The following FNDC10 variants were observed in gnomAD, a reference collection of about 807,000 sequenced individuals.
FNDC10 encodes the protein fibronectin type III domain-containing protein 10.
FNDC10 carries 8 observed loss-of-function variants against 11.6 expected under a neutral mutation model. The observed-to-expected ratio is 0.69, with a 90% confidence interval of 0.41 to 1.25. The LOEUF is 1.25. FNDC10 is among the 50% of genes most tolerant of loss of function. The probability of loss-of-function intolerance (pLI) is 0.01; values close to 1 mark genes in which losing one functional copy is unlikely to be tolerated. For missense variants in FNDC10, 308 were observed against 330.2 expected, an observed-to-expected ratio of 0.93 and a Z score of 0.52; for synonymous variants, 187 against 162.9, an observed-to-expected ratio of 1.15 and a Z score of -1.12.
Position 1,599,271 on chromosome 1 carries a change from G to T in FNDC10, c.*64C>A. ...AGGAATGAGGAGAGGAGAGCGGGCG[G>T]AGGACCTGGGAGCTCAGGCGCCCTC... On this transcript the variant is annotated 3_prime_UTR_variant, in exon 1 of 1. Transcript: ENST00000422725. The surrounding 1 kb of genome is among the most constrained non-coding windows in gnomAD (Gnocchi z 6.7). 2 of 1,382,888 alleles carry T rather than the reference G, an allele frequency of 1.4e-6. No individual in the cohort carries two copies. The allele number at this position is 1,382,888 out of a possible 1,614,324, so 85.7% of individuals were successfully genotyped here. A position where few individuals can be genotyped will look rare whatever the true frequency, so the allele number is the denominator to read the frequency against.
chr1:1,599,460 C>T lies in FNDC10; in HGVS notation c.556G>A (p.Ala186Thr), dbSNP rs1473381020. The change falls in exon 1 of 1, where the codon GCC (alanine) becomes ACC (threonine). Residue 186 changes from alanine (A) to threonine (T), a missense_variant. By Grantham distance (58) the Ala-to-Thr change is moderately conservative. Transcript: ENST00000422725. This position sits in a 1 kb window ranked among gnomAD's most constrained non-coding sequence, Gnocchi z 6.7. ...EPAGMQDIVV[A>T]MTAVGGSICV... is the part of the protein sequence containing the mutation. ...ATGGAGCCGCCCACCGCCGTCATGGCCACCACGATGTCCTGCATGCCGGCC... is the reference window on the plus strand; with the variant it reads ...ATGGAGCCGCCCACCGCCGTCATGGTCACCACGATGTCCTGCATGCCGGCC... 2 of 1,534,256 alleles carry T rather than the reference C, an allele frequency of 1.3e-6. No individual in the cohort carries two copies. Among genetic ancestry groups the T allele is most frequent in the South Asian group, 1.2e-5 (1 of 84,024 alleles).
chr1:1,599,640 G>A lies in FNDC10; in HGVS notation c.376C>T (p.Leu126Phe), dbSNP rs1259103310. ...AGGTAGTCGCGGCAGGAGGCCCCGA[G>A]GAGCACGCGCTCGCACGGGAAGCGC... is the stretch of plus-strand genomic sequence containing the variant. ...YTRFPCERVL[L>F]GASCRDYLLP... The change falls in exon 1 of 1, where the codon CTC becomes TTC. Residue 126 changes from leucine to phenylalanine, a missense_variant. By Grantham distance (22) the Leu-to-Phe change is conservative. Coordinates refer to ENST00000422725, the MANE Select transcript of FNDC10 (RefSeq NM_001242659.2). This position sits in a 1 kb window ranked among gnomAD's most constrained non-coding sequence, Gnocchi z 6.7. The A allele has an allele frequency of 1.3e-6, 2 of 1,485,180 alleles. No individual in the cohort carries two copies. Among genetic ancestry groups the A allele is most frequent in the African/African-American group, 1.5e-5 (1 of 68,312 alleles). The allele number at this position is 1,485,180 out of a possible 1,614,324, so 92.0% of individuals were successfully genotyped here.
Position 1,600,009 on chromosome 1 carries a change from C to T in FNDC10, c.7G>A (p.Ala3Thr). Residue 3 changes from alanine to threonine, a missense_variant, in exon 1 of 1, where the codon GCC (alanine) becomes ACC (threonine). By Grantham distance (58) the Ala-to-Thr change is moderately conservative. Coordinates refer to ENST00000422725, the MANE Select transcript of FNDC10 (RefSeq NM_001242659.2). ...GCCAGCAGCAGCAGCAGCGGCGGGG[C>T]GCGCATCCTGCGGCGGGGCCACGGG... is the stretch of plus-strand genomic sequence containing the variant. The part of the protein sequence containing the change: MR[A>T]PPLLLLLAAC... The T allele has an allele frequency of 1.0e-6, 1 of 980,304 alleles. No individual in the cohort carries two copies. Among genetic ancestry groups the T allele is most frequent in the Non-Finnish European group, 1.2e-6 (1 of 827,914 alleles). The allele number at this position is 980,304 out of a possible 1,614,324, so 60.7% of individuals were successfully genotyped here. A position where few individuals can be genotyped will look rare whatever the true frequency, so the allele number is the denominator to read the frequency against.
Position 1,599,600 on chromosome 1 carries a change from T to A in FNDC10, c.416A>T (p.His139Leu), listed in dbSNP as rs1279243380. 1 of 1,503,914 alleles carries A rather than the reference T, an allele frequency of 6.6e-7. No homozygotes were observed. The highest frequency in any genetic ancestry group is 1.2e-5 in the South Asian group (1 of 81,076). The allele number at this position is 1,503,914 out of a possible 1,614,324, so 93.2% of individuals were successfully genotyped here. ...GCACAGGCGGTAGAGGACGCTGTCG[T>A]GCACGTCGGGCAGCAGGTAGTCGCG... Reference protein sequence around the residue: ...SCRDYLLPDVHDSVLYRLCLQ... With the variant: ...SCRDYLLPDVLDSVLYRLCLQ... The change falls in exon 1 of 1, where the codon CAC becomes CTC. Residue 139 changes from histidine to leucine, a missense_variant. Coordinates refer to ENST00000422725, the MANE Select transcript of FNDC10 (RefSeq NM_001242659.2). The surrounding 1 kb of genome is among the most constrained non-coding windows in gnomAD (Gnocchi z 6.7).
At position 1,599,082 on chromosome 1, in the gene FNDC10, G is replaced by T. The variant is rs1008068191; in HGVS notation, c.*253C>A. On this transcript the variant is annotated 3_prime_UTR_variant, in exon 1 of 1. Coordinates refer to ENST00000422725, the MANE Select transcript of FNDC10 (RefSeq NM_001242659.2). This position sits in a 1 kb window ranked among gnomAD's most constrained non-coding sequence, Gnocchi z 6.7. Reference sequence around the variant, plus strand: ...GCCTCTATAAAGGCCTGCGGAGAGCGGGGAGAGCCCTGGATGCGGCTGGCA... The same window carrying T: ...GCCTCTATAAAGGCCTGCGGAGAGCTGGGAGAGCCCTGGATGCGGCTGGCA... 5.7e-6 allele frequency: 3 copies of T among 530,370 alleles called. No homozygotes were observed. The highest frequency in any genetic ancestry group is 9.9e-6 in the Non-Finnish European group (3 of 303,408). The allele number at this position is 530,370 out of a possible 1,614,324, so 32.9% of individuals were successfully genotyped here.
chr1:1,599,369 G>C lies in FNDC10; in HGVS notation c.647C>G (p.Ala216Gly), dbSNP rs545166451. ...TCTGCGCAGGCCGGGGCGCGCGAGG[G>C]CCGGGCGCATGAGGTTCTCGGTGAT... Reference protein sequence around the residue: ...AYITENLMRPALARPGLRRHP With the variant: ...AYITENLMRPGLARPGLRRHP Residue 216 changes from alanine to glycine, a missense_variant, in exon 1 of 1, where the codon GCC (alanine) becomes GGC (glycine). Coordinates refer to ENST00000422725, the MANE Select transcript of FNDC10 (RefSeq NM_001242659.2). This position sits in a 1 kb window ranked among gnomAD's most constrained non-coding sequence, Gnocchi z 6.7. 3.9e-6 allele frequency: 6 copies of C among 1,528,182 alleles called. No homozygotes were observed. The African/African-American group carries it at 6.9e-5, about 18-fold the overall frequency. The allele number at this position is 1,528,182 out of a possible 1,614,324, so 94.7% of individuals were successfully genotyped here.
Position 1,600,049 on chromosome 1 carries a change from C to T in FNDC10, c.-34G>A, listed in dbSNP as rs1171835037. ...GGGGCCACGGGGCGCGGCGCTGGGT[C>T]ACGCGGGCCGCGCCGCCGCCGTCCC... On this transcript the variant is annotated 5_prime_UTR_variant, in exon 1 of 1. Transcript: ENST00000422725. The T allele has an allele frequency of 2.1e-6, 2 of 971,068 alleles. No homozygotes were observed. The highest frequency in any genetic ancestry group is 3.6e-5 in the African/African-American group (2 of 56,140). The allele number at this position is 971,068 out of a possible 1,614,324, so 60.2% of individuals were successfully genotyped here.
At position 1,599,091 on chromosome 1, in the gene FNDC10, C is replaced by G. The variant is rs1408483007; in HGVS notation, c.*244G>C. On this transcript the variant is annotated 3_prime_UTR_variant, in exon 1 of 1. Coordinates refer to ENST00000422725, the MANE Select transcript of FNDC10 (RefSeq NM_001242659.2). This position sits in a 1 kb window ranked among gnomAD's most constrained non-coding sequence, Gnocchi z 6.7. ...AAGGCCTGCGGAGAGCGGGGAGAGCCCTGGATGCGGCTGGCACAGCAGCGC... is the reference window on the plus strand; with the variant it reads ...AAGGCCTGCGGAGAGCGGGGAGAGCGCTGGATGCGGCTGGCACAGCAGCGC... 1.9e-6 allele frequency: 1 copy of G among 539,840 alleles called. No individual in the cohort carries two copies. Among genetic ancestry groups the G allele is most frequent in the Non-Finnish European group, 3.2e-6 (1 of 308,812 alleles). The allele number at this position is 539,840 out of a possible 1,614,324, so 33.4% of individuals were successfully genotyped here.
rs1643085521 is a variant in FNDC10 at position 1,599,481 on chromosome 1, C to T, written c.535G>A (p.Gly179Ser). ...ATGGCCACCACGATGTCCTGCATGC[C>T]GGCCGGCTCGGCGGTGAACTCCACG... The part of the protein sequence containing the change: ...ECVEFTAEPA[G>S]MQDIVVAMTA... The change falls in exon 1 of 1, where the codon GGC becomes AGC. Residue 179 changes from glycine (G) to serine (S), a missense_variant. Transcript: ENST00000422725. The surrounding 1 kb of genome is among the most constrained non-coding windows in gnomAD (Gnocchi z 6.7). The T allele has an allele frequency of 6.5e-7, 1 of 1,532,526 alleles. No individual in the cohort carries two copies. The highest frequency in any genetic ancestry group is 2.0e-5 in the Admixed American group (1 of 50,904). The allele number at this position is 1,532,526 out of a possible 1,614,324, so 94.9% of individuals were successfully genotyped here.
chr1:1,599,736 G>A lies in FNDC10; in HGVS notation c.280C>T (p.Arg94Cys). 7.6e-7 allele frequency: 1 copy of A among 1,319,568 alleles called. No individual in the cohort carries two copies. Among genetic ancestry groups the A allele is most frequent in the Non-Finnish European group, 9.6e-7 (1 of 1,042,294 alleles). 81.7% of individuals were successfully genotyped at this position (1,319,568 alleles called of 1,614,324 possible). A position where few individuals can be genotyped will look rare whatever the true frequency, so the allele number is the denominator to read the frequency against. ...CGGCGCGCGGCGGCCGGGGCCAGGC[G>A]CCACTGCAGGAGGACGCTGCGGTTG... is the stretch of plus-strand genomic sequence containing the variant. ...LRNRSVLLQW[R>C]LAPAAARRVR... The change falls in exon 1 of 1, where the codon CGC becomes TGC. Residue 94 changes from arginine (R) to cysteine (C), a missense_variant. Arg to Cys is a radical substitution (Grantham distance 180). Transcript: ENST00000422725. This position sits in a 1 kb window ranked among gnomAD's most constrained non-coding sequence, Gnocchi z 6.7.
chr1:1,599,553 C>T lies in FNDC10; in HGVS notation c.463G>A (p.Ala155Thr), dbSNP rs1383584761. The T allele has an allele frequency of 2.7e-6, 4 of 1,505,284 alleles. No homozygotes were observed. Among genetic ancestry groups the T allele is most frequent in the Non-Finnish European group, 3.5e-6 (4 of 1,136,272 alleles). The allele number at this position is 1,505,284 out of a possible 1,614,324, so 93.2% of individuals were successfully genotyped here. A position where few individuals can be genotyped will look rare whatever the true frequency, so the allele number is the denominator to read the frequency against. ...TCTGGCGCGGCGGCGGCGGGCCCAG[C>T]GCGCAGCGGCAGCGGCTGCAGGCAC... is the stretch of plus-strand genomic sequence containing the variant. ...RLCLQPLPLR[A>T]GPAAAAPETP... Residue 155 changes from alanine to threonine, a missense_variant, in exon 1 of 1, where the codon GCT (alanine) becomes ACT (threonine). Transcript: ENST00000422725. This position sits in a 1 kb window ranked among gnomAD's most constrained non-coding sequence, Gnocchi z 6.7.
rs1383584761 is a variant in FNDC10 at position 1,599,553 on chromosome 1, C to A, written c.463G>T (p.Ala155Ser). 5 of 1,505,282 alleles carry A rather than the reference C, an allele frequency of 3.3e-6. No individual in the cohort carries two copies. The highest frequency in any genetic ancestry group is 4.4e-6 in the Non-Finnish European group (5 of 1,136,272). 93.2% of individuals were successfully genotyped at this position (1,505,282 alleles called of 1,614,324 possible). A position where few individuals can be genotyped will look rare whatever the true frequency, so the allele number is the denominator to read the frequency against. Reference sequence around the variant, plus strand: ...TCTGGCGCGGCGGCGGCGGGCCCAGCGCGCAGCGGCAGCGGCTGCAGGCAC... The same window carrying A: ...TCTGGCGCGGCGGCGGCGGGCCCAGAGCGCAGCGGCAGCGGCTGCAGGCAC... ...RLCLQPLPLR[A>S]GPAAAAPETP... is the part of the protein sequence containing the mutation. The change falls in exon 1 of 1, where the codon GCT (alanine) becomes TCT (serine). Residue 155 changes from alanine to serine, a missense_variant. Transcript: ENST00000422725. This position sits in a 1 kb window ranked among gnomAD's most constrained non-coding sequence, Gnocchi z 6.7.
In FNDC10 at chr1:1,600,112, C is replaced by CTCCGCCGCCGCCCGCTCCGA; in HGVS notation, c.-117_-98dup. The CTCCGCCGCCGCCCGCTCCGA allele has an allele frequency of 3.6e-6, 2 of 561,882 alleles. No homozygotes were observed. Among genetic ancestry groups the CTCCGCCGCCGCCCGCTCCGA allele is most frequent in the Non-Finnish European group, 4.5e-6 (2 of 446,362 alleles). The allele number at this position is 561,882 out of a possible 1,614,324, so 34.8% of individuals were successfully genotyped here. A position where few individuals can be genotyped will look rare whatever the true frequency, so the allele number is the denominator to read the frequency against. On this transcript the variant is annotated 5_prime_UTR_variant, in exon 1 of 1. Transcript: ENST00000422725. Reference sequence around the variant, plus strand: ...CCCGCGATCCCCGGCGCGCCGCGCCCTCCGCCGCCGCCCGCTCCGACCCGC... The same window carrying CTCCGCCGCCGCCCGCTCCGA: ...CCCGCGATCCCCGGCGCGCCGCGCCCTCCGCCGCCGCCCGCTCCGATCCGCCGCCGCCCGCTCCGACCCGC...
Position 1,599,222 on chromosome 1 carries a change from C to T in FNDC10, c.*113G>A. On this transcript the variant is annotated 3_prime_UTR_variant, in exon 1 of 1. Coordinates refer to ENST00000422725, the MANE Select transcript of FNDC10 (RefSeq NM_001242659.2). The surrounding 1 kb of genome is among the most constrained non-coding windows in gnomAD (Gnocchi z 6.7). ...GGAGCCGTCGCCGGCAGGTCCTCCT[C>T]CGCGGGGATCTTAAGGAGGCAGCAG... 9.2e-7 allele frequency: 1 copy of T among 1,091,264 alleles called. No individual in the cohort carries two copies. Among genetic ancestry groups the T allele is most frequent in the Non-Finnish European group, 1.3e-6 (1 of 799,738 alleles). The allele number at this position is 1,091,264 out of a possible 1,614,324, so 67.6% of individuals were successfully genotyped here.
chr1:1,599,792 G>T lies in FNDC10; in HGVS notation c.224C>A (p.Ala75Asp), dbSNP rs965052742. The T allele has an allele frequency of 8.2e-7, 1 of 1,219,348 alleles. No homozygotes were observed. Among genetic ancestry groups the T allele is most frequent in the African/African-American group, 1.6e-5 (1 of 62,360 alleles). 75.5% of individuals were successfully genotyped at this position (1,219,348 alleles called of 1,614,324 possible). The change falls in exon 1 of 1, where the codon GCC becomes GAC. Residue 75 changes from alanine to aspartate, a missense_variant. Transcript: ENST00000422725. This position sits in a 1 kb window ranked among gnomAD's most constrained non-coding sequence, Gnocchi z 6.7. ...QAPGCVLHAPAGRSLRASVLR... is the reference protein window; with the variant it reads ...QAPGCVLHAPDGRSLRASVLR... Reference sequence around the variant, plus strand: ...GACGCTGGCGCGCAGGGAGCGGCCGGCCGGGGCGTGCAGCACGCAGCCCGG... The same window carrying T: ...GACGCTGGCGCGCAGGGAGCGGCCGTCCGGGGCGTGCAGCACGCAGCCCGG...
rs1396052314 is a variant in FNDC10 at position 1,599,353 on chromosome 1, G to T, written c.663C>A (p.Gly221=). The T allele has an allele frequency of 6.6e-7, 1 of 1,522,548 alleles. No homozygotes were observed. Among genetic ancestry groups the T allele is most frequent in the African/African-American group, 1.4e-5 (1 of 71,536 alleles). The allele number at this position is 1,522,548 out of a possible 1,614,324, so 94.3% of individuals were successfully genotyped here. A position where few individuals can be genotyped will look rare whatever the true frequency, so the allele number is the denominator to read the frequency against. ...NLMRPALARP[G]LRRHP is the part of the protein sequence containing the mutation. Reference sequence around the variant, plus strand: ...TCGCGCTTCAGGGGTGTCTGCGCAGGCCGGGGCGCGCGAGGGCCGGGCGCA... The same window carrying T: ...TCGCGCTTCAGGGGTGTCTGCGCAGTCCGGGGCGCGCGAGGGCCGGGCGCA... The change falls in exon 1 of 1, where the codon GGC becomes GGA. Residue 221 remains glycine, a synonymous_variant. Transcript: ENST00000422725. The surrounding 1 kb of genome is among the most constrained non-coding windows in gnomAD (Gnocchi z 6.7).
In FNDC10 at chr1:1,599,785, G is replaced by A. The variant is rs910879894; in HGVS notation, c.231C>T (p.Arg77=). ...TGCGCAGGACGCTGGCGCGCAGGGA[G>A]CGGCCGGCCGGGGCGTGCAGCACGC... The part of the protein sequence containing the change: ...PGCVLHAPAG[R]SLRASVLRNR... The change falls in exon 1 of 1, where the codon CGC becomes CGT. Residue 77 remains arginine, a synonymous_variant. Coordinates refer to ENST00000422725, the MANE Select transcript of FNDC10 (RefSeq NM_001242659.2). The surrounding 1 kb of genome is among the most constrained non-coding windows in gnomAD (Gnocchi z 6.7). 111 of 1,229,492 alleles carry A rather than the reference G, an allele frequency of 9.0e-5. No individual in the cohort carries two copies. Among genetic ancestry groups the A allele is most frequent in the Non-Finnish European group, 9.3e-5 (92 of 988,992 alleles). The allele number at this position is 1,229,492 out of a possible 1,614,324, so 76.2% of individuals were successfully genotyped here. A position where few individuals can be genotyped will look rare whatever the true frequency, so the allele number is the denominator to read the frequency against.
In FNDC10 at chr1:1,599,318, G is replaced by T; in HGVS notation, c.*17C>A. On this transcript the variant is annotated 3_prime_UTR_variant, in exon 1 of 1. Coordinates refer to ENST00000422725, the MANE Select transcript of FNDC10 (RefSeq NM_001242659.2). The surrounding 1 kb of genome is among the most constrained non-coding windows in gnomAD (Gnocchi z 6.7). ...CCTCAGGCAGGTGGCGCAAAGATGG[G>T]CGGGCGGCCTCGCGCTTCAGGGGTG... 1 of 1,466,298 alleles carries T rather than the reference G, an allele frequency of 6.8e-7. No individual in the cohort carries two copies. The highest frequency in any genetic ancestry group is 9.0e-7 in the Non-Finnish European group (1 of 1,115,596). 90.8% of individuals were successfully genotyped at this position (1,466,298 alleles called of 1,614,324 possible).
rs1310140717 is a variant in FNDC10 at position 1,599,111 on chromosome 1, CAGCGCA to C, written c.*218_*223del. 1.8e-6 allele frequency: 1 copy of C among 552,172 alleles called. No individual in the cohort carries two copies. The highest frequency in any genetic ancestry group is 3.2e-6 in the Non-Finnish European group (1 of 316,900). The allele number at this position is 552,172 out of a possible 1,614,324, so 34.2% of individuals were successfully genotyped here. A position where few individuals can be genotyped will look rare whatever the true frequency, so the allele number is the denominator to read the frequency against. On this transcript the variant is annotated 3_prime_UTR_variant, in exon 1 of 1. Coordinates refer to ENST00000422725, the MANE Select transcript of FNDC10 (RefSeq NM_001242659.2). This position sits in a 1 kb window ranked among gnomAD's most constrained non-coding sequence, Gnocchi z 6.7. Reference sequence around the variant, plus strand: ...AGAGCCCTGGATGCGGCTGGCACAGCAGCGCAAGCCCAGGGGCCAATCCGGGGCCAG... The same window carrying C: ...AGAGCCCTGGATGCGGCTGGCACAGCAGCCCAGGGGCCAATCCGGGGCCAG...
Sources: allele counts gnomAD v4.1 joint callset, GRCh38; gene constraint gnomAD v4.1.1; non-coding constraint Gnocchi (gnomAD v3.1); transcripts MANE v1.5; gene names NCBI Gene and HGNC (gene_info 2026-07-23, HGNC 2026-07-21).